The following COG6 variants were observed in gnomAD, a reference collection of about 807,000 sequenced individuals.
COG6 encodes component of oligomeric golgi complex 6.
In COG6, 74 loss-of-function variants were observed where a neutral mutation model predicts 88.8. The observed-to-expected ratio is 0.83, with a 90% CI of 0.69 to 1.01. COG6 has a LOEUF of 1.01. Among genes scored for constraint, COG6 ranks in the 50% least tolerant of loss-of-function variants. COG6 has a pLI of 0.00. For missense variants in COG6, 800 were observed against 797.9 expected (o/e 1.00, Z -0.03); for synonymous variants, 286 against 278.7 (o/e 1.03, Z -0.26).
intron 18 of COG6, among the ~76,000 whole-genome samples, chr13:39,782,119 AT>A (rs1272390409): frequency 6.6e-6 from 1 of 152,190 alleles, no homozygotes; most frequent in Non-Finnish European, 1.5e-5. Context: ...AGGGGAAAAC[AT>A]TACCCATTGT....
chr13:39,781,484 G>A (rs1486738983), intron 18 of COG6, among the ~76,000 whole-genome samples: 1 of 151,346 alleles, frequency 6.6e-6, no homozygotes, highest in Non-Finnish European at 1.5e-5. Flanking sequence ...TGGCTGGAAT[G>A]GAACTATTTC....
In COG6 at chr13:39,752,300, T is replaced by C. The variant is rs748701145; in HGVS notation, c.*1207T>C. 2.3e-6 allele frequency: 2 copies of C among 851,532 alleles called. No homozygotes were observed. The highest frequency in any genetic ancestry group is 3.2e-6 in the Non-Finnish European group (2 of 627,490). The allele number at this position is 851,532 out of a possible 1,614,324, so 52.7% of individuals were successfully genotyped here. A position where few individuals can be genotyped will look rare whatever the true frequency, so the allele number is the denominator to read the frequency against. ...AGTATTTGTAGAAGATTATGTGTTG[T>C]ATATAACAAATTAGTATTTATAGAA... On this transcript the variant is annotated 3_prime_UTR_variant, in exon 19 of 19. Transcript: ENST00000455146.
At chr13:39,738,155 A>G (rs901484352) in intron 18 of COG6, among the ~76,000 whole-genome samples, 2 of 152,112 alleles carry the variant, frequency 1.3e-5, no homozygotes, top group African/African-American at 2.4e-5. Context: ...GTTCTTAGGA[A>G]GGTGATTTTT....
chr13:39,713,085 A>T (rs1593444356), intron 13 of COG6, among the ~76,000 whole-genome samples: 1 of 152,048 alleles, frequency 6.6e-6, no homozygotes, highest in African/African-American at 2.4e-5. Flanking sequence ...TAATATTAAC[A>T]CCTCTTTCTC....
intron 13 of COG6, among the ~76,000 whole-genome samples, chr13:39,706,281 A>C (rs1268507049): frequency 7.4e-6 from 1 of 135,408 alleles, no homozygotes; most frequent in Non-Finnish European, 1.6e-5. Context: ...ATATATATTT[A>C]AATATATATA....
rs752836835 is a variant in COG6 at position 39,659,381 on chromosome 13, C to T, written c.171C>T (p.Leu57=). 9 of 1,613,612 alleles carry T rather than the reference C, an allele frequency of 5.6e-6. 1 individual carries two copies. The South Asian group carries it at 9.9e-5, about 18-fold the overall frequency. ...LDNDKEMLEA[L]KALSTFFVEN... ...TTGTATAGGAGATGTTAGAAGCTCT[C>T]AAGGCACTTTCAACCTTTTTTGTTG... Residue 57 remains leucine (L), a synonymous_variant, in exon 2 of 19, where the codon CTC becomes CTT. Transcript: ENST00000455146.
rs1287178342 is a variant in COG6, at chr13:39,679,575, A to G, written c.578A>G (p.His193Arg). ...GCACTGGGAAGAGTAAAACAGATTCATAATGATGTCAAAGTTCTCTTGCGT... is the reference window on the plus strand; with the variant it reads ...GCACTGGGAAGAGTAAAACAGATTCGTAATGATGTCAAAGTTCTCTTGCGT... ...FKALGRVKQI[H>R]NDVKVLLRTN... The change falls in exon 6 of 19, where the codon CAT becomes CGT. Residue 193 changes from histidine to arginine, a missense_variant. Physicochemically the swap from His to Arg is conservative, Grantham distance 29 (BLOSUM62 0). Coordinates refer to ENST00000455146, the MANE Select transcript of COG6 (RefSeq NM_020751.3). 1.9e-6 allele frequency: 3 copies of G among 1,606,850 alleles called. No homozygotes were observed. The highest frequency in any genetic ancestry group is 1.7e-6 in the Non-Finnish European group (2 of 1,173,460).
intron 18 of COG6, among the ~76,000 whole-genome samples, chr13:39,782,386 TGTA>T (rs1331876014): frequency 6.6e-6 from 1 of 152,320 alleles, no homozygotes; most frequent in East Asian, 1.9e-4. Flanking sequence ...AGTTAGAAGT[TGTA>T]GTTTGGGCAA....
At chr13:39,656,059 C>A in intron 1 of COG6, 180 bp downstream of exon 1, 1 of 776,718 alleles carries the variant, frequency 1.3e-6, no homozygotes. Context: ...GAAGGGGGAG[C>A]CCCAGCAACC....
intron 18 of COG6, among the ~76,000 whole-genome samples, chr13:39,734,803 A>G (rs772172285): frequency 2.0e-5 from 3 of 152,180 alleles, no homozygotes; most frequent in Non-Finnish European, 4.4e-5. Flanking sequence ...ATGTATATTT[A>G]CAATTGTTAT....
intron 12 of COG6, 64 bp downstream of exon 12, chr13:39,694,789 G>A (rs986421452): frequency 3.3e-6 from 3 of 903,874 alleles, no homozygotes; most frequent in Non-Finnish European, 5.3e-6. Context: ...TTAGAGCACA[G>A]TATAAGATTT....
intron 18 of COG6, among the ~76,000 whole-genome samples, chr13:39,735,606 C>A (rs1879695963): frequency 6.6e-6 from 1 of 151,812 alleles, no homozygotes. Context: ...GTGTTTAGTT[C>A]CTTCAGATGA....
intron 13 of COG6, among the ~76,000 whole-genome samples, chr13:39,716,251 C>T: frequency 6.6e-6 from 1 of 151,750 alleles, no homozygotes; most frequent in South Asian, 2.1e-4. Flanking sequence ...TCTTTTATTT[C>T]TAGTAATTTT....
In COG6 at chr13:39,707,775, C is replaced by A. The variant is rs563415595; in HGVS notation, c.1284+8157C>A. On this transcript the variant is annotated intron_variant, in intron 13 of 18. Coordinates refer to ENST00000455146, the MANE Select transcript of COG6 (RefSeq NM_020751.3). ...GTAATTTCATTATATATATTCACCACAATTTACTCATTCTGTTACTGATGG... is the reference window on the plus strand; with the variant it reads ...GTAATTTCATTATATATATTCACCAAAATTTACTCATTCTGTTACTGATGG... Among the ~76,000 whole-genome samples the A allele has an allele frequency of 5.3e-5, 8 of 152,244 alleles. No homozygotes were observed. The East Asian group carries it at 1.5e-3, about 29-fold the overall frequency.
intron 13 of COG6, among the ~76,000 whole-genome samples, chr13:39,709,273 C>A (rs1878108001): frequency 6.6e-6 from 1 of 152,042 alleles, no homozygotes; most frequent in African/African-American, 2.4e-5. Flanking sequence ...ATAATAGTTC[C>A]TTTTAACATT....
intron 3 of COG6, among the ~76,000 whole-genome samples, chr13:39,664,883 G>A (rs1875147626): frequency 6.6e-6 from 1 of 152,000 alleles, no homozygotes; most frequent in African/African-American, 2.4e-5. Context: ...TTTCTTTCTT[G>A]TAAGCCTTAG....
rs1874754988 is a variant in COG6, at chr13:39,659,463, G to T, written c.253G>T (p.Ala85Ser). The change falls in exon 2 of 19, where the codon GCC becomes TCC. Residue 85 changes from alanine to serine, a missense_variant. Ala to Ser is a moderately conservative substitution (Grantham distance 99, BLOSUM62 1). Coordinates refer to ENST00000455146, the MANE Select transcript of COG6 (RefSeq NM_020751.3). The part of the protein sequence containing the change: ...LRGDIERKSL[A>S]INEEFVSIFK... ...TGGAGATATTGAACGTAAAAGTTTA[G>T]CCATCAATGAAGAATTTGTAAGCAT... 1 of 1,613,516 alleles carries T rather than the reference G, an allele frequency of 6.2e-7. No individual in the cohort carries two copies. Among genetic ancestry groups the T allele is most frequent in the African/African-American group, 1.3e-5 (1 of 74,992 alleles).
chr13:39,687,925 T>A, intron 10 of COG6, 126 bp downstream of exon 10: 1 of 721,316 alleles, frequency 1.4e-6, no homozygotes, highest in South Asian at 1.5e-5. Flanking sequence ...GCATCCTGAT[T>A]ACTCTTTCTC....
chr13:39,697,184 C>T (rs1297302935), intron 12 of COG6, among the ~76,000 whole-genome samples: 2 of 151,400 alleles, frequency 1.3e-5, no homozygotes, highest in Non-Finnish European at 2.9e-5. Context: ...AGAGAGAAAT[C>T]AGGGCTGAAG....
Sources: allele counts gnomAD v4.1 joint callset (sites outside exome capture counted in the v4.1 genomes callset), GRCh38; gene constraint gnomAD v4.1.1; transcripts MANE v1.5; gene names NCBI Gene and HGNC (gene_info 2026-07-23, HGNC 2026-07-21).